NKAIN2: variants seen among roughly 807,000 people sequenced by gnomAD.
NKAIN2 encodes sodium/potassium-transporting ATPase subunit beta-1-interacting protein 2.
In NKAIN2, 14 loss-of-function variants were observed where a neutral mutation model predicts 32.6. The observed-to-expected ratio is 0.43, with a 90% CI of 0.28 to 0.67. The LOEUF is 0.67. NKAIN2 is among the 30% of genes least tolerant of loss of function. The probability of loss-of-function intolerance (pLI) is 0.17; values close to 1 mark genes in which losing one functional copy is unlikely to be tolerated. For synonymous variants in NKAIN2, 80 were observed against 87.2 expected, an observed-to-expected ratio of 0.92 and a Z score of 0.46; for missense variants, 198 against 258.3, an observed-to-expected ratio of 0.77 and a Z score of 1.60.
At chr6:123,967,460 C>T (rs1778136143) in intron 1 of NKAIN2, among the ~76,000 whole-genome samples, 1 of 152,142 alleles carries the variant, frequency 6.6e-6, no homozygotes, top group African/African-American at 2.4e-5. Context: ...TTACAACTTG[C>T]CCCCCTTTTG....
chr6:124,345,514 C>A (rs553947082), intron 2 of NKAIN2, among the ~76,000 whole-genome samples: 1 of 152,006 alleles, frequency 6.6e-6, no homozygotes, highest in East Asian at 1.9e-4. Flanking sequence ...ATTTCAGATC[C>A]TGTTATTGGT....
chr6:124,084,577 C>G (rs1367763461), intron 1 of NKAIN2, among the ~76,000 whole-genome samples: 1 of 151,930 alleles, frequency 6.6e-6, no homozygotes, highest in Non-Finnish European at 1.5e-5. Flanking sequence ...TAGCACTAAT[C>G]TTATATTTCT....
At chr6:124,524,768 T>G (rs1444667242) in intron 3 of NKAIN2, among the ~76,000 whole-genome samples, 1 of 152,234 alleles carries the variant, frequency 6.6e-6, no homozygotes, top group Non-Finnish European at 1.5e-5. Context: ...CATATCCCTT[T>G]TATCAAGATA....
chr6:124,236,944 A>T (rs1477748652), intron 1 of NKAIN2, among the ~76,000 whole-genome samples: 3 of 152,200 alleles, frequency 2.0e-5, no homozygotes, highest in Non-Finnish European at 4.4e-5. Context: ...AATGCAATGT[A>T]AAAAAAGGAA....
intron 3 of NKAIN2, among the ~76,000 whole-genome samples, chr6:124,508,461 C>T (rs931534903): frequency 1.3e-5 from 2 of 151,868 alleles, no homozygotes; most frequent in African/African-American, 2.4e-5. Context: ...TCTCCTGCCT[C>T]AGCCTCCCTA....
chr6:124,078,553 T>G (rs1783802809), intron 1 of NKAIN2, among the ~76,000 whole-genome samples: 1 of 152,186 alleles, frequency 6.6e-6, no homozygotes, highest in South Asian at 2.1e-4. Context: ...AGAATTTGAA[T>G]GCAGGCAGTG....
intron 2 of NKAIN2, among the ~76,000 whole-genome samples, chr6:124,291,050 GA>G (rs1164023920): frequency 6.6e-6 from 1 of 152,052 alleles, no homozygotes; most frequent in Admixed American, 6.6e-5. Flanking sequence ...ACAACTTCCT[GA>G]AAAGCATGTT....
At chr6:123,811,400 C>T (rs1194999429) in intron 1 of NKAIN2, among the ~76,000 whole-genome samples, 2 of 59,652 alleles carry the variant, frequency 3.4e-5, no homozygotes. Context: ...TTAGGGTAAG[C>T]ACAGCGCTGG....
chr6:124,156,931 C>A (rs186135476), intron 1 of NKAIN2, among the ~76,000 whole-genome samples: 3 of 151,328 alleles, frequency 2.0e-5, no homozygotes, highest in African/African-American at 7.3e-5. Flanking sequence ...GGTAAAACCC[C>A]GTCTTTACTA....
At chr6:124,336,477 A>T (rs1583069027) in intron 2 of NKAIN2, among the ~76,000 whole-genome samples, 1 of 152,100 alleles carries the variant, frequency 6.6e-6, no homozygotes, top group East Asian at 1.9e-4. Context: ...CTAATGTGTT[A>T]CTTTGTGGGG....
chr6:124,362,899 C>A (rs12210199), intron 3 of NKAIN2, among the ~76,000 whole-genome samples: 31,817 of 151,978 alleles, frequency 0.21, 3,456 homozygotes, highest in Admixed American at 0.29. Flanking sequence ...CATTGGTGCA[C>A]TCTCAGCTCA....
At chr6:124,623,051 C>T (rs1783168381) in intron 3 of NKAIN2, among the ~76,000 whole-genome samples, 1 of 152,126 alleles carries the variant, frequency 6.6e-6, no homozygotes, top group East Asian at 1.9e-4. Flanking sequence ...CCAGCATTTC[C>T]CTGCCTCCTG....
At chr6:123,899,137 CA>C (rs1774435369) in intron 1 of NKAIN2, among the ~76,000 whole-genome samples, 1 of 152,178 alleles carries the variant, frequency 6.6e-6, no homozygotes, top group South Asian at 2.1e-4. Flanking sequence ...TCTCATTTTG[CA>C]TATAGTGTTG....
chr6:124,059,492 T>C lies in NKAIN2; in HGVS notation c.55-223513T>C, dbSNP rs527302968. On this transcript the variant is annotated intron_variant, in intron 1 of 6. Coordinates refer to ENST00000368417, the MANE Select transcript of NKAIN2 (RefSeq NM_001040214.3). ...CATCCTCCCTTCCATTATCCCATCT[T>C]ATTATCTCTTTAGAACTGTCGCTCT... 2.0e-5 allele frequency among the ~76,000 whole-genome samples: 3 copies of C among 152,258 alleles called. No individual in the cohort carries two copies. The South Asian group carries it at 6.2e-4, about 32-fold the overall frequency.
At chr6:123,982,673 TTTAA>T (rs1213739520) in intron 1 of NKAIN2, among the ~76,000 whole-genome samples, 1 of 152,110 alleles carries the variant, frequency 6.6e-6, no homozygotes, top group Non-Finnish European at 1.5e-5. Flanking sequence ...AAATATATTT[TTTAA>T]TTAGAGGTGA....
At chr6:124,079,247 G>C (rs1229422466) in intron 1 of NKAIN2, among the ~76,000 whole-genome samples, 5 of 152,070 alleles carry the variant, frequency 3.3e-5, no homozygotes, top group Non-Finnish European at 5.9e-5. Flanking sequence ...GAACCTGGGA[G>C]GCAGAGGTTG....
At chr6:123,883,482 G>C (rs1773555247) in intron 1 of NKAIN2, among the ~76,000 whole-genome samples, 1 of 151,410 alleles carries the variant, frequency 6.6e-6, no homozygotes, top group Admixed American at 6.6e-5. Context: ...TTTAAAAAGT[G>C]TGTAGCGCCT....
At chr6:124,484,401 T>C (rs1777572853) in intron 3 of NKAIN2, among the ~76,000 whole-genome samples, 3 of 152,178 alleles carry the variant, frequency 2.0e-5, no homozygotes, top group African/African-American at 7.2e-5. Context: ...TTGCCTGACC[T>C]TATATTTTGA....
intron 4 of NKAIN2, among the ~76,000 whole-genome samples, chr6:124,779,918 G>T (rs114120987): frequency 1.2e-3 from 176 of 152,288 alleles, no homozygotes; most frequent in African/African-American, 4.0e-3. Context: ...GTTACTTTAA[G>T]CCACTAAATT....
Sources: gnomAD v4.1 joint callset for allele counts (sites outside exome capture counted in the v4.1 genomes callset) on GRCh38, gnomAD v4.1.1 for gene constraint, MANE v1.5 for transcripts, NCBI Gene and HGNC (gene_info 2026-07-23, HGNC 2026-07-21) for gene names.